Variants in HDAC4 observed in about 807,000 individuals in gnomAD.
The protein encoded by HDAC4 is histone deacetylase A.
A neutral mutation model predicts 135.1 loss-of-function variants in HDAC4; 16 were observed. The ratio of observed to expected loss-of-function variants is 0.12; its 90% CI spans 0.08 to 0.18. The LOEUF (loss-of-function observed/expected upper bound fraction) is 0.18, where lower values mean the gene tolerates loss of function less well. HDAC4 is among the 10% of genes least tolerant of loss of function. The pLI is 1.00. For synonymous variants in HDAC4, 685 were observed against 653.4 expected (o/e 1.05, Z -0.74); for missense variants, 1,143 against 1,511.8 (o/e 0.76, Z 4.05).
intron 1 of HDAC4, among the ~76,000 whole-genome samples, chr2:239,356,610 G>T (rs1407037833): frequency 2.0e-5 from 3 of 152,088 alleles, no homozygotes; most frequent in Non-Finnish European, 2.9e-5. Flanking sequence ...AGCTGTAATG[G>T]TTATATGTAT....
chr2:239,230,805 A>G (rs1432690875), intron 3 of HDAC4, among the ~76,000 whole-genome samples: 1 of 152,224 alleles, frequency 6.6e-6, no homozygotes, highest in Admixed American at 6.5e-5. Flanking sequence ...GAGACTTTCG[A>G]AGCTTCCCCT....
At chr2:239,111,756 C>T (rs1438331787) in intron 13 of HDAC4, 44 bp from the exon 14 acceptor site, 28 of 1,532,142 alleles carry the variant, frequency 1.8e-5, no homozygotes, top group African/African-American at 2.7e-5. Flanking sequence ...GGATGTCTCC[C>T]GCCCCTGGGC....
chr2:239,213,667 A>G (rs566128081), intron 3 of HDAC4, among the ~76,000 whole-genome samples: 1 of 152,368 alleles, frequency 6.6e-6, no homozygotes, highest in African/African-American at 2.4e-5. Context: ...AAAACCCAGC[A>G]TCAGGGTTCC....
intron 22 of HDAC4, among the ~76,000 whole-genome samples, chr2:239,077,792 T>G (rs1240842267): frequency 6.6e-6 from 1 of 152,134 alleles, no homozygotes; most frequent in Non-Finnish European, 1.5e-5. Flanking sequence ...CACACCTGTC[T>G]ACAAAAGGCA....
At position 239,229,578 on chromosome 2, in the gene HDAC4, C is replaced by T. The variant is rs756885801; in HGVS notation, c.94+7015G>A. Reference sequence around the variant, plus strand: ...AGGAAGTCTGTGCCTGAGGTTGTCACGTTACAGGTTGGCTTTATGCGTTTT... The same window carrying T: ...AGGAAGTCTGTGCCTGAGGTTGTCATGTTACAGGTTGGCTTTATGCGTTTT... On this transcript the variant is annotated intron_variant, in intron 3 of 26. Coordinates refer to ENST00000543185, the MANE Select transcript of HDAC4 (RefSeq NM_001378414.1). 2.6e-5 allele frequency among the ~76,000 whole-genome samples: 4 copies of T among 152,288 alleles called. No homozygotes were observed. The South Asian group carries it at 6.2e-4, about 24-fold the overall frequency.
intron 1 of HDAC4, among the ~76,000 whole-genome samples, chr2:239,394,479 C>A (rs1309478626): frequency 1.3e-5 from 2 of 152,264 alleles, no homozygotes; most frequent in African/African-American, 4.8e-5. Context: ...GGAGAACAAG[C>A]TGCACACACC....
At chr2:239,194,595 T>A (rs1286975310) in intron 3 of HDAC4, among the ~76,000 whole-genome samples, 1 of 152,152 alleles carries the variant, frequency 6.6e-6, no homozygotes, top group African/African-American at 2.4e-5. Context: ...GGCCCAGCAC[T>A]CCCCACTCCC....
chr2:239,156,412 G>T (rs2042426558), intron 7 of HDAC4, among the ~76,000 whole-genome samples: 1 of 152,236 alleles, frequency 6.6e-6, no homozygotes, highest in Non-Finnish European at 1.5e-5. Context: ...TGCTTTCAAA[G>T]TGAGTTTGAG....
intron 2 of HDAC4, among the ~76,000 whole-genome samples, chr2:239,244,008 C>T (rs534159749): frequency 2.1e-4 from 32 of 152,260 alleles, no homozygotes; most frequent in Admixed American, 1.6e-3. Context: ...TTTAAGCAAT[C>T]CTGCTTGGGT....
chr2:239,333,447 CAA>C (rs1691717580), intron 2 of HDAC4, among the ~76,000 whole-genome samples: 1 of 151,904 alleles, frequency 6.6e-6, no homozygotes, highest in Non-Finnish European at 1.5e-5. Context: ...TAAAATGTGA[CAA>C]AGCATTTCAA....
chr2:239,380,204 C>T lies in HDAC4; in HGVS notation c.-220+20774G>A, dbSNP rs182823326. 7.3e-3 allele frequency among the ~76,000 whole-genome samples: 1,105 copies of T among 152,324 alleles called. 4 individuals carry two copies. Among genetic ancestry groups the T allele is most frequent in the South Asian group, 0.012 (59 of 4,818 alleles). ...TGGACCAGAGGAATAAGAAGAAATC[C>T]CACTGCGGAATGCGCGAGCTCTGCA... On this transcript the variant is annotated intron_variant, in intron 1 of 26. Transcript: ENST00000543185.
chr2:239,275,172 C>T (rs1421771703), intron 2 of HDAC4, among the ~76,000 whole-genome samples: 1 of 152,224 alleles, frequency 6.6e-6, no homozygotes, highest in Non-Finnish European at 1.5e-5. Flanking sequence ...GGCCGGAAGC[C>T]CCGTGGGCCG....
chr2:239,378,744 C>G (rs561986605), intron 1 of HDAC4, among the ~76,000 whole-genome samples: 5 of 152,140 alleles, frequency 3.3e-5, no homozygotes, highest in African/African-American at 9.7e-5. Context: ...ATGACCCCAG[C>G]AACCAATGAC....
intron 14 of HDAC4, 111 bp downstream of exon 14, chr2:239,111,415 C>T (rs891854136): frequency 5.3e-6 from 6 of 1,140,922 alleles, no homozygotes; most frequent in Non-Finnish European, 7.7e-6. Flanking sequence ...GGCCCTCGTG[C>T]CTGCCCAGCC....
intron 2 of HDAC4, among the ~76,000 whole-genome samples, chr2:239,333,829 A>T (rs1325127648): frequency 1.3e-5 from 2 of 152,200 alleles, no homozygotes; most frequent in Admixed American, 1.3e-4. Context: ...CATCTCATGG[A>T]CTACACAGAA....
intron 4 of HDAC4, among the ~76,000 whole-genome samples, chr2:239,184,864 G>A (rs2044430324): frequency 1.2e-5 from 1 of 83,450 alleles, no homozygotes; most frequent in Admixed American, 1.2e-4. Flanking sequence ...TGTCTGCCCT[G>A]GAGGATGTAT....
chr2:239,055,024 AT>A (rs890773236), intron 24 of HDAC4, among the ~76,000 whole-genome samples, 191 bp from the exon 25 acceptor site: 18 of 151,714 alleles, frequency 1.2e-4, no homozygotes, highest in African/African-American at 3.1e-4. Flanking sequence ...GTAAAAGTGG[AT>A]TTTTTTTTAG....
At chr2:239,288,066 T>TAAAAA (rs34053864) in intron 2 of HDAC4, among the ~76,000 whole-genome samples, 1 of 145,028 alleles carries the variant, frequency 6.9e-6, no homozygotes, top group African/African-American at 2.5e-5. Flanking sequence ...CCCTGTAAGT[T>TAAAAA]AAAAAAAAAA....
rs139109302 is a variant in HDAC4 at position 239,369,248 on chromosome 2, G to C, written c.-219-16330C>G. On this transcript the variant is annotated intron_variant, in intron 1 of 26. Coordinates refer to ENST00000543185, the MANE Select transcript of HDAC4 (RefSeq NM_001378414.1). Reference sequence around the variant, plus strand: ...GGTCCCCTTTCATCTTTCCAGGTCTGAACTGCCCACAGTTCTGAGTTTTGG... The same window carrying C: ...GGTCCCCTTTCATCTTTCCAGGTCTCAACTGCCCACAGTTCTGAGTTTTGG... 1.2e-4 allele frequency among the ~76,000 whole-genome samples: 19 copies of C among 152,276 alleles called. No individual in the cohort carries two copies. The East Asian group carries it at 3.1e-3, about 25-fold the overall frequency.
Sources: gnomAD v4.1 joint callset for allele counts (sites outside exome capture counted in the v4.1 genomes callset) on GRCh38, gnomAD v4.1.1 for gene constraint, MANE v1.5 for transcripts, NCBI Gene and HGNC (gene_info 2026-07-23, HGNC 2026-07-21) for gene names.